The following NUP93 variants were observed in gnomAD, a reference collection of about 807,000 sequenced individuals.
NUP93 encodes nucleoporin 93.
In NUP93, 55 loss-of-function variants were observed where a neutral mutation model predicts 107.8. That is an observed-to-expected ratio of 0.51 (90% confidence interval 0.41 to 0.64). The LOEUF is 0.64. NUP93 is among the 30% of genes least tolerant of loss of function. The pLI is 0.00. For missense variants in NUP93, 937 were observed against 1,044.7 expected, an observed-to-expected ratio of 0.90 and a Z score of 1.42; for synonymous variants, 390 against 397.5, an observed-to-expected ratio of 0.98 and a Z score of 0.22.
In NUP93 at chr16:56,808,514, GTAACTATATATAAATATAGTTATA is replaced by G. The variant is rs1431416030; in HGVS notation, c.489+2891_489+2914del. Among the ~76,000 whole-genome samples, 399 of 112,242 alleles carry G rather than the reference GTAACTATATATAAATATAGTTATA, an allele frequency of 3.6e-3. 11 individuals are homozygous for G. The highest frequency in any genetic ancestry group is 6.3e-3 in the African/African-American group (165 of 26,052). The allele number at this position is 112,242 out of a possible 152,430, so 73.6% of individuals were successfully genotyped here. On this transcript the variant is annotated intron_variant, in intron 5 of 21. Coordinates refer to ENST00000308159, the MANE Select transcript of NUP93 (RefSeq NM_014669.5). ...TGTAACTATATAAATATATAGTTAT[GTAACTATATATAAATATAGTTATA>G]TAACTATAAATATATAAAAATATAT...
At chr16:56,808,056 T>A (rs1410022370) in intron 5 of NUP93, among the ~76,000 whole-genome samples, 1 of 140,070 alleles carries the variant, frequency 7.1e-6, no homozygotes, top group East Asian at 2.0e-4. Flanking sequence ...TTTCTAAAAA[T>A]ATATATAAAT....
At chr16:56,756,347 C>A (rs1962023738) in intron 2 of NUP93, among the ~76,000 whole-genome samples, 1 of 137,378 alleles carries the variant, frequency 7.3e-6, no homozygotes, top group Non-Finnish European at 1.5e-5. Flanking sequence ...TCCCCGTGTC[C>A]ATGTGTTCTC....
chr16:56,815,354 A>C (rs960439723), intron 5 of NUP93, among the ~76,000 whole-genome samples: 1 of 152,162 alleles, frequency 6.6e-6, no homozygotes, highest in Non-Finnish European at 1.5e-5. Context: ...GCTGTCTTAG[A>C]GAACAGTCCT....
chr16:56,758,703 TGAAGACCCTGGCC>T (rs745888870), intron 3 of NUP93, 48 bp downstream of exon 3: 1 of 1,314,044 alleles, frequency 7.6e-7, no homozygotes, highest in Non-Finnish European at 1.1e-6. Context: ...TAACCCAGGC[TGAAGACCCTGGCC>T]CTTTATTAAC....
Position 56,844,931 on chromosome 16 carries a change from A to T in NUP93, c.*322A>T, listed in dbSNP as rs1417362378. 5.4e-6 allele frequency: 2 copies of T among 370,122 alleles called. No homozygotes were observed. Among genetic ancestry groups the T allele is most frequent in the Admixed American group, 9.1e-5 (2 of 21,862 alleles). The allele number at this position is 370,122 out of a possible 1,614,324, so 22.9% of individuals were successfully genotyped here. ...ATTGACCTTAATTAATTAAAAATCTACCCAAAATGAGCCAGGAAACAAAGC... is the reference window on the plus strand; with the variant it reads ...ATTGACCTTAATTAATTAAAAATCTTCCCAAAATGAGCCAGGAAACAAAGC... On this transcript the variant is annotated 3_prime_UTR_variant, in exon 22 of 22. Transcript: ENST00000308159.
chr16:56,767,848 C>G (rs144354431), intron 3 of NUP93, among the ~76,000 whole-genome samples: 1 of 152,264 alleles, frequency 6.6e-6, no homozygotes, highest in African/African-American at 2.4e-5. Flanking sequence ...CCTAAACTGC[C>G]CCAGATGTCT....
rs1047505891 is a variant in NUP93, at chr16:56,802,202, G to C, written c.361-3302G>C. Among the ~76,000 whole-genome samples the C allele has an allele frequency of 3.3e-5, 5 of 152,172 alleles. No individual in the cohort carries two copies. In the East Asian group the frequency reaches 9.6e-4, roughly 29 times the overall value. On this transcript the variant is annotated intron_variant, in intron 4 of 21. Transcript: ENST00000308159. Reference sequence around the variant, plus strand: ...GCTGGGAGAGGCTAGAGGCTGAGGAGGCAGTTGGTTTGACCACTATGTAGG... The same window carrying C: ...GCTGGGAGAGGCTAGAGGCTGAGGACGCAGTTGGTTTGACCACTATGTAGG...
At chr16:56,820,330 G>A (rs745903516) in intron 6 of NUP93, among the ~76,000 whole-genome samples, 1 of 152,240 alleles carries the variant, frequency 6.6e-6, no homozygotes, top group Non-Finnish European at 1.5e-5. Flanking sequence ...GATTGATTGA[G>A]ACGAAGTCTT....
At chr16:56,745,068 A>T (rs1597102721) in intron 1 of NUP93, among the ~76,000 whole-genome samples, 1 of 152,322 alleles carries the variant, frequency 6.6e-6, no homozygotes, top group African/African-American at 2.4e-5. Context: ...ATTCTCGCAG[A>T]GGTGACAGAC....
At chr16:56,812,657 A>C (rs1272293285) in intron 5 of NUP93, among the ~76,000 whole-genome samples, 1 of 152,134 alleles carries the variant, frequency 6.6e-6, no homozygotes, top group Non-Finnish European at 1.5e-5. Flanking sequence ...AGCAAGTTTT[A>C]ATAAAGGAAA....
chr16:56,744,278 A>C (rs748707848), intron 1 of NUP93, among the ~76,000 whole-genome samples: 3 of 152,076 alleles, frequency 2.0e-5, no homozygotes, highest in Non-Finnish European at 4.4e-5. Context: ...GGTTATTTTC[A>C]TGATTAGTTT....
At chr16:56,792,821 T>A (rs1162980363) in intron 3 of NUP93, among the ~76,000 whole-genome samples, 1 of 152,222 alleles carries the variant, frequency 6.6e-6, no homozygotes, top group Non-Finnish European at 1.5e-5. Context: ...TCCATCCTTT[T>A]AGAGAGAGAA....
At position 56,808,180 on chromosome 16, in the gene NUP93, A is replaced by ATATATAGTTATATAACTATATATTT. The variant is rs71149700; in HGVS notation, c.489+2570_489+2571insTTTTATATAGTTATATAACTATATA. ...ATATATAGTTATATAACTATATAAA[A>ATATATAGTTATATAACTATATATTT]TATATAGTTATATAACTATATAAAA... On this transcript the variant is annotated intron_variant, in intron 5 of 21. Transcript: ENST00000308159. Among the ~76,000 whole-genome samples the ATATATAGTTATATAACTATATATTT allele has an allele frequency of 2.1e-4, 25 of 118,078 alleles. 1 individual carries two copies. The highest frequency in any genetic ancestry group is 2.9e-4 in the Non-Finnish European group (17 of 59,400). 77.5% of individuals were successfully genotyped at this position (118,078 alleles called of 152,430 possible).
intron 3 of NUP93, among the ~76,000 whole-genome samples, chr16:56,797,840 C>T (rs1261246426): frequency 1.3e-5 from 2 of 152,176 alleles, no homozygotes; most frequent in African/African-American, 4.8e-5. Flanking sequence ...AAAGCCTATC[C>T]TTTTGGCCAT....
rs1320625800 is a variant in NUP93, at chr16:56,818,720, G to A, written c.546G>A (p.Glu182=). 2 of 1,614,006 alleles carry A rather than the reference G, an allele frequency of 1.2e-6. No individual in the cohort carries two copies. Among genetic ancestry groups the A allele is most frequent in the Non-Finnish European group, 1.7e-6 (2 of 1,179,950 alleles). ...PPGRSSLDNI[E]MAYARQIYIY... ...GTCGAAGCTCTCTGGATAACATCGA[G>A]ATGGCCTATGCGCGGCAAGTGAGTG... is the stretch of plus-strand genomic sequence containing the variant. The change falls in exon 6 of 22, where the codon GAG becomes GAA. Residue 182 remains glutamate (E), a synonymous_variant. Transcript: ENST00000308159.
At chr16:56,808,564 AAAT>A (rs1963226818) in intron 5 of NUP93, among the ~76,000 whole-genome samples, 3 of 125,942 alleles carry the variant, frequency 2.4e-5, no homozygotes, top group South Asian at 4.6e-4. Flanking sequence ...AAAAATATAT[AAAT>A]ACATTTATAT....
At chr16:56,787,510 C>T (rs746919571) in intron 3 of NUP93, among the ~76,000 whole-genome samples, 2 of 152,158 alleles carry the variant, frequency 1.3e-5, no homozygotes, top group African/African-American at 2.4e-5. Context: ...TGACTGACTG[C>T]GAGACACACC....
intron 2 of NUP93, among the ~76,000 whole-genome samples, chr16:56,755,998 C>T (rs1458047582): frequency 6.6e-6 from 1 of 152,116 alleles, no homozygotes. Context: ...TCTCTAGAGC[C>T]CAGGAGTTTG....
chr16:56,830,430 CATATT>C (rs1303510174), intron 9 of NUP93, 93 bp from the exon 10 acceptor site: 6 of 1,139,060 alleles, frequency 5.3e-6, no homozygotes, highest in East Asian at 2.5e-5. Context: ...GATTAAGTGA[CATATT>C]ATAAAGGAGA....
Sources: gnomAD v4.1 joint callset for allele counts (sites outside exome capture counted in the v4.1 genomes callset) on GRCh38, gnomAD v4.1.1 for gene constraint, MANE v1.5 for transcripts, NCBI Gene and HGNC (gene_info 2026-07-23, HGNC 2026-07-21) for gene names.